Variants in LRRC4C observed in about 807,000 individuals in gnomAD.
The protein encoded by LRRC4C is leucine rich repeat containing 4C.
In LRRC4C, 5 loss-of-function variants were observed where a neutral mutation model predicts 33.6. The ratio of observed to expected loss-of-function variants is 0.15; its 90% confidence interval spans 0.08 to 0.31. The LOEUF is 0.31. Ranked by LOEUF, LRRC4C falls within the 10% of genes least tolerant of loss-of-function variation. LRRC4C has a pLI of 1.00. For missense variants in LRRC4C, 560 were observed against 796.7 expected (o/e 0.70, Z 3.58); for synonymous variants, 329 against 302.0 (o/e 1.09, Z -0.93).
intron 1 of LRRC4C, among the ~76,000 whole-genome samples, chr11:41,005,922 C>T (rs1281844236): frequency 6.6e-6 from 1 of 152,064 alleles, no homozygotes; most frequent in Non-Finnish European, 1.5e-5. Context: ...CCTTCAGGTA[C>T]AGAGTAGAGA....
intron 2 of LRRC4C, among the ~76,000 whole-genome samples, chr11:40,806,491 A>C (rs11036084): frequency 6.6e-6 from 1 of 152,058 alleles, no homozygotes; most frequent in Admixed American, 6.5e-5. Flanking sequence ...TTTAGGACTT[A>C]ACCTCTGAAG....
chr11:40,952,100 C>CA (rs1451274964), intron 1 of LRRC4C, among the ~76,000 whole-genome samples: 1 of 151,822 alleles, frequency 6.6e-6, no homozygotes, highest in Non-Finnish European at 1.5e-5. Context: ...GTGTGATGCA[C>CA]ATACTGTCCA....
chr11:41,337,240 C>T (rs1951486299), intron 1 of LRRC4C, among the ~76,000 whole-genome samples: 1 of 152,156 alleles, frequency 6.6e-6, no homozygotes, highest in East Asian at 1.9e-4. Flanking sequence ...GAGATAGGAT[C>T]TTGCTATGTT....
chr11:41,346,546 T>A (rs1197730305), intron 1 of LRRC4C, among the ~76,000 whole-genome samples: 1 of 152,198 alleles, frequency 6.6e-6, no homozygotes, highest in Non-Finnish European at 1.5e-5. Flanking sequence ...TGGGTTTTCC[T>A]TGAAAAATTA....
rs146311856 is a variant in LRRC4C at position 40,372,401 on chromosome 11, C to G, written c.-269-52680G>C. On this transcript the variant is annotated intron_variant, in intron 3 of 6. Coordinates refer to ENST00000528697, the MANE Select transcript of LRRC4C (RefSeq NM_001258419.2). ...TAGCAGAGAAGTACACAAACCTTCTCTAGATTGTTACACTTCTGCTGATAG... is the reference window on the plus strand; with the variant it reads ...TAGCAGAGAAGTACACAAACCTTCTGTAGATTGTTACACTTCTGCTGATAG... Among the ~76,000 whole-genome samples, 183 of 152,306 alleles carry G rather than the reference C, an allele frequency of 1.2e-3. 4 individuals are homozygous for G. The East Asian group carries it at 0.029, about 24-fold the overall frequency.
At chr11:41,133,104 G>A (rs943291812) in intron 1 of LRRC4C, among the ~76,000 whole-genome samples, 1 of 152,086 alleles carries the variant, frequency 6.6e-6, no homozygotes, top group African/African-American at 2.4e-5. Context: ...CAGAGTCTCT[G>A]GGAGATAAGA....
chr11:41,109,654 A>G (rs1941714954), intron 1 of LRRC4C, among the ~76,000 whole-genome samples: 1 of 152,132 alleles, frequency 6.6e-6, no homozygotes, highest in African/African-American at 2.4e-5. Context: ...TAACGGAACT[A>G]GAAGATAATT....
At chr11:40,557,759 A>G (rs1957388236) in intron 3 of LRRC4C, among the ~76,000 whole-genome samples, 3 of 152,238 alleles carry the variant, frequency 2.0e-5, no homozygotes, top group African/African-American at 7.2e-5. Context: ...AAAATTTCCA[A>G]CAATGACTGA....
intron 1 of LRRC4C, among the ~76,000 whole-genome samples, chr11:41,101,781 T>A (rs1941201369): frequency 6.6e-6 from 1 of 151,932 alleles, no homozygotes; most frequent in Non-Finnish European, 1.5e-5. Flanking sequence ...GAAAAGAAAA[T>A]GTGGTACATA....
At position 40,906,075 on chromosome 11, in the gene LRRC4C, G is replaced by A. The variant is rs555052514; in HGVS notation, c.-407+27560C>T. ...CAGGACCTACCACCCTGGTCAGTCA[G>A]CAGCCATCAACATGGAGGCAAAACT... On this transcript the variant is annotated intron_variant, in intron 2 of 6. Coordinates refer to ENST00000528697, the MANE Select transcript of LRRC4C (RefSeq NM_001258419.2). Among the ~76,000 whole-genome samples the A allele has an allele frequency of 4.2e-4, 64 of 152,254 alleles. No individual in the cohort carries two copies. In the South Asian group the frequency reaches 0.013, roughly 32 times the overall value.
chr11:41,244,198 G>A (rs576120850), intron 1 of LRRC4C, among the ~76,000 whole-genome samples: 11 of 131,690 alleles, frequency 8.4e-5, no homozygotes, highest in South Asian at 2.5e-4. Context: ...TCTATCGATC[G>A]TAAAAAGAAA....
In LRRC4C at chr11:40,872,317, T is replaced by TAA. The variant is rs34490125; in HGVS notation, c.-407+61316_-407+61317dup. ...CCTTAAAACTGGTTTGGCTGAAAGTTAAAAAAAAAAAAAGCAAATGTTTTA... is the reference window on the plus strand; with the variant it reads ...CCTTAAAACTGGTTTGGCTGAAAGTTAAAAAAAAAAAAAAAGCAAATGTTTTA... On this transcript the variant is annotated intron_variant, in intron 2 of 6. Coordinates refer to ENST00000528697, the MANE Select transcript of LRRC4C (RefSeq NM_001258419.2). Among the ~76,000 whole-genome samples, 222 of 146,218 alleles carry TAA rather than the reference T, an allele frequency of 1.5e-3. 1 individual carries two copies. The highest frequency in any genetic ancestry group is 2.2e-3 in the South Asian group (10 of 4,612).
chr11:41,130,412 G>A (rs949909081), intron 1 of LRRC4C, among the ~76,000 whole-genome samples: 36 of 151,854 alleles, frequency 2.4e-4, no homozygotes, highest in Admixed American at 2.6e-4. Flanking sequence ...GCTTGTTGAT[G>A]TCATTTTAGA....
At chr11:41,309,386 G>C in intron 1 of LRRC4C, among the ~76,000 whole-genome samples, 1 of 152,174 alleles carries the variant, frequency 6.6e-6, no homozygotes, top group East Asian at 1.9e-4. Context: ...ATGTTCTGCG[G>C]TCTCTGATTT....
At chr11:41,180,694 T>C (rs114257792) in intron 1 of LRRC4C, among the ~76,000 whole-genome samples, 2,375 of 152,202 alleles carry the variant, frequency 0.016, 66 homozygotes, top group African/African-American at 0.054. Flanking sequence ...CTAAAGTCAC[T>C]CAAGGGCTGA....
intron 2 of LRRC4C, among the ~76,000 whole-genome samples, chr11:40,782,243 T>C (rs1299770107): frequency 6.6e-6 from 1 of 152,060 alleles, no homozygotes; most frequent in Non-Finnish European, 1.5e-5. Context: ...CATAGTAACA[T>C]TTTTTTGGTT....
At chr11:40,603,000 A>G (rs1250535834) in intron 3 of LRRC4C, among the ~76,000 whole-genome samples, 1 of 152,178 alleles carries the variant, frequency 6.6e-6, no homozygotes, top group Non-Finnish European at 1.5e-5. Flanking sequence ...TAAAAAGACA[A>G]GGACAAAAGG....
chr11:40,528,192 A>C (rs2135286274), intron 3 of LRRC4C, among the ~76,000 whole-genome samples: 1 of 152,334 alleles, frequency 6.6e-6, no homozygotes, highest in African/African-American at 2.4e-5. Flanking sequence ...AACTCTATCA[A>C]ACTAAAAAGC....
chr11:40,226,700 G>A (rs892286555), intron 5 of LRRC4C, among the ~76,000 whole-genome samples: 2 of 152,132 alleles, frequency 1.3e-5, no homozygotes, highest in Admixed American at 1.3e-4. Flanking sequence ...GTCCTAATAA[G>A]CGCTATGATC....
Sources: gnomAD v4.1 joint callset for allele counts (sites outside exome capture counted in the v4.1 genomes callset) on GRCh38, gnomAD v4.1.1 for gene constraint, MANE v1.5 for transcripts, NCBI Gene and HGNC (gene_info 2026-07-23, HGNC 2026-07-21) for gene names.